The following TNRC6C variants were observed in gnomAD, a reference collection of about 807,000 sequenced individuals.
TNRC6C encodes trinucleotide repeat-containing gene 6C protein.
Under a neutral mutation model 153.7 loss-of-function variants are expected in TNRC6C, and 20 were observed. The observed-to-expected ratio is 0.13, with a 90% CI of 0.09 to 0.19. The LOEUF (loss-of-function observed/expected upper bound fraction) is 0.19, where lower values mean the gene tolerates loss of function less well. Among genes scored for constraint, TNRC6C ranks in the 10% least tolerant of loss-of-function variants. TNRC6C has a pLI of 1.00. For synonymous variants in TNRC6C, 811 were observed against 841.4 expected, an observed-to-expected ratio of 0.96 and a Z score of 0.63; for missense variants, 1,987 against 2,172.0, an observed-to-expected ratio of 0.91 and a Z score of 1.69.
At chr17:78,006,353 A>C (rs1260692910) in intron 1 of TNRC6C, among the ~76,000 whole-genome samples, 3 of 152,240 alleles carry the variant, frequency 2.0e-5, no homozygotes, top group Non-Finnish European at 4.4e-5. Context: ...ACACTTTTCC[A>C]GAAGGGTCCA....
At position 78,056,798 on chromosome 17, in the gene TNRC6C, A is replaced by G. The variant is rs78429252; in HGVS notation, c.2395+5341A>G. ...ACTTTTAACTTGTTTTTAGTAGCCA[A>G]AACATGGGAGCTTCATGCTGAGAAA... On this transcript the variant is annotated intron_variant, in intron 3 of 19. Transcript: ENST00000301624. Among the ~76,000 whole-genome samples, 337 of 145,508 alleles carry G rather than the reference A, an allele frequency of 2.3e-3. 3 individuals carry two copies. The highest frequency in any genetic ancestry group is 8.0e-3 in the African/African-American group (318 of 39,654).
At chr17:78,074,781 C>A (rs112924722) in intron 7 of TNRC6C, among the ~76,000 whole-genome samples, 1 of 152,202 alleles carries the variant, frequency 6.6e-6, no homozygotes, top group Non-Finnish European at 1.5e-5. Context: ...GCAAGTCTTG[C>A]AGAAAACTAG....
intron 1 of TNRC6C, among the ~76,000 whole-genome samples, chr17:77,987,380 C>G (rs1223714980): frequency 1.3e-5 from 2 of 152,146 alleles, no homozygotes; most frequent in Non-Finnish European, 2.9e-5. Context: ...TTGTATTCAG[C>G]TAATAAAACT....
upstream of TNRC6C, among the ~76,000 whole-genome samples, chr17:77,958,520 G>A (rs924291421): frequency 1.3e-5 from 2 of 152,052 alleles, no homozygotes; most frequent in Non-Finnish European, 2.9e-5. Flanking sequence ...TGGGCCGGGA[G>A]GGGCGCGCGG....
At position 78,075,304 on chromosome 17, in the gene TNRC6C, T is replaced by C; in HGVS notation, c.3060+26T>C. On this transcript the variant is annotated intron_variant, in intron 8 of 19. Transcript: ENST00000301624. This position sits in a 1 kb window ranked among gnomAD's most constrained non-coding sequence, Gnocchi z 4.2. ...GTATGAATATAGGTGGTTTGTTGTT[T>C]TTGCTTTTTTAACAAGAGGAGTTTT... 6.4e-7 allele frequency: 1 copy of C among 1,552,044 alleles called. No individual in the cohort carries two copies. The highest frequency in any genetic ancestry group is 8.7e-7 in the Non-Finnish European group (1 of 1,145,068).
chr17:78,020,516 G>A (rs1454698008), intron 1 of TNRC6C, among the ~76,000 whole-genome samples: 5 of 152,042 alleles, frequency 3.3e-5, no homozygotes, highest in South Asian at 2.1e-4. Context: ...ATTATTTAGC[G>A]GTTTCTGAGA....
chr17:78,106,535 A>AT (rs1162508409), exon 20 of TNRC6C: 57 of 149,876 alleles, frequency 3.8e-4, no homozygotes, highest in African/African-American at 1.4e-3. Context: ...AAAAAAAAAA[A>AT]ACAAAACAAA....
intron 4 of TNRC6C, among the ~76,000 whole-genome samples, 191 bp downstream of exon 6, chr17:78,065,128 C>T (rs1047218818): frequency 6.6e-6 from 1 of 152,114 alleles, no homozygotes; most frequent in African/African-American, 2.4e-5. Flanking sequence ...GCAGGAGGAT[C>T]GCTTGAGCGC....
chr17:77,960,980 C>A (rs2070857245), intron 1 of TNRC6C, among the ~76,000 whole-genome samples: 1 of 151,992 alleles, frequency 6.6e-6, no homozygotes, highest in Non-Finnish European at 1.5e-5. Flanking sequence ...ACAGATTTCT[C>A]ATGACCTGAC....
At chr17:78,060,240 T>A (rs1316093471) in intron 3 of TNRC6C, among the ~76,000 whole-genome samples, 1 of 152,208 alleles carries the variant, frequency 6.6e-6, no homozygotes, top group Non-Finnish European at 1.5e-5. Context: ...AAGACCCATC[T>A]TGATTTCAGA....
intron 5 of TNRC6C, among the ~76,000 whole-genome samples, chr17:78,068,606 CAACATGGTGA>C (rs1406766105): frequency 1.3e-5 from 2 of 152,122 alleles, no homozygotes; most frequent in Admixed American, 6.5e-5. Context: ...CCAGCCTGGC[CAACATGGTGA>C]AACCCCATCT....
At chr17:78,071,702 G>A (rs2073001050) in intron 6 of TNRC6C, among the ~76,000 whole-genome samples, 1 of 152,066 alleles carries the variant, frequency 6.6e-6, no homozygotes, top group Non-Finnish European at 1.5e-5. Context: ...AATGCTGTGT[G>A]ATTTTTAATT....
intron 1 of TNRC6C, among the ~76,000 whole-genome samples, chr17:77,996,849 C>T (rs1431118397): frequency 2.6e-5 from 4 of 152,072 alleles, no homozygotes; most frequent in African/African-American, 9.7e-5. Context: ...GAGCCACTGC[C>T]CCTAGAAGTC....
At chr17:77,979,679 C>G (rs2071046731) in intron 1 of TNRC6C, among the ~76,000 whole-genome samples, 1 of 152,076 alleles carries the variant, frequency 6.6e-6, no homozygotes, top group Admixed American at 6.5e-5. Flanking sequence ...GACATAATAA[C>G]TTGAGAATCT....
At chr17:78,021,215 T>G (rs1000219433) in intron 1 of TNRC6C, among the ~76,000 whole-genome samples, 11 of 152,186 alleles carry the variant, frequency 7.2e-5, no homozygotes, top group African/African-American at 2.7e-4. Context: ...GTCAGAATGG[T>G]GAGCATGGAC....
chr17:78,005,698 G>A (rs1474210184), intron 1 of TNRC6C, among the ~76,000 whole-genome samples: 3 of 152,140 alleles, frequency 2.0e-5, no homozygotes, highest in Non-Finnish European at 2.9e-5. Context: ...GTGGTTAAGA[G>A]CACCCACTCA....
chr17:78,080,185 G>A (rs1396004798), intron 10 of TNRC6C, among the ~76,000 whole-genome samples: 6 of 152,158 alleles, frequency 3.9e-5, no homozygotes, highest in African/African-American at 4.8e-5. Context: ...GGCGGCTCAC[G>A]CCTGTAATCC....
intron 14 of TNRC6C, among the ~76,000 whole-genome samples, chr17:78,092,273 G>A (rs1417585713): frequency 2.0e-5 from 3 of 152,170 alleles, no homozygotes; most frequent in Admixed American, 6.5e-5. Flanking sequence ...GTTAACTTAC[G>A]GAAAATCATC....
intron 4 of TNRC6C, among the ~76,000 whole-genome samples, chr17:78,065,742 C>T (rs2072862906): frequency 6.6e-6 from 1 of 152,004 alleles, no homozygotes; most frequent in Non-Finnish European, 1.5e-5. Flanking sequence ...TTGTTTATGC[C>T]TAAACAACTT....
Sources: gnomAD v4.1 joint callset for allele counts (sites outside exome capture counted in the v4.1 genomes callset) on GRCh38, gnomAD v4.1.1 for gene constraint, Gnocchi (gnomAD v3.1) non-coding constraint, MANE v1.5 for transcripts, NCBI Gene and HGNC (gene_info 2026-07-23, HGNC 2026-07-21) for gene names.